The following FAM178B variants were observed in gnomAD, a reference collection of about 807,000 sequenced individuals.
The protein encoded by FAM178B is protein FAM178B.
In FAM178B, 82 loss-of-function variants were observed where a neutral mutation model predicts 91.7. The observed-to-expected ratio is 0.89, with a 90% confidence interval of 0.75 to 1.07. The LOEUF (loss-of-function observed/expected upper bound fraction) is 1.07. Among genes scored for constraint, FAM178B ranks in the 50% least tolerant of loss-of-function variants. The pLI is 0.00. For synonymous variants in FAM178B, 368 were observed against 359.4 expected (o/e 1.02, Z -0.27); for missense variants, 769 against 846.7 (o/e 0.91, Z 1.14).
intron 13 of FAM178B, among the ~76,000 whole-genome samples, chr2:96,895,502 T>C (rs1331498645): frequency 6.6e-6 from 1 of 152,230 alleles, no homozygotes; most frequent in Non-Finnish European, 1.5e-5. Context: ...TGTCTACAGT[T>C]AGCCGCTCCT....
intron 7 of FAM178B, among the ~76,000 whole-genome samples, chr2:96,948,463 G>A (rs913752582): frequency 3.9e-5 from 6 of 152,226 alleles, no homozygotes. Flanking sequence ...ATCCTTATCT[G>A]AATGCTCCTG....
At chr2:96,921,862 T>C (rs2081346960) in intron 10 of FAM178B, among the ~76,000 whole-genome samples, 1 of 152,014 alleles carries the variant, frequency 6.6e-6, no homozygotes, top group South Asian at 2.1e-4. Flanking sequence ...TCAGAGGCGT[T>C]TGAACCAGAG....
chr2:96,949,636 G>A lies in FAM178B; in HGVS notation c.994-1734C>T, dbSNP rs147077962. Reference sequence around the variant, plus strand: ...CCCACAACCACAGTCCCCAGTAACTGCTCGAGGTTCTAAGTCCCCTGAGGA... The same window carrying A: ...CCCACAACCACAGTCCCCAGTAACTACTCGAGGTTCTAAGTCCCCTGAGGA... On this transcript the variant is annotated intron_variant, in intron 7 of 16. Transcript: ENST00000490605. Among the ~76,000 whole-genome samples, 5 of 152,282 alleles carry A rather than the reference G, an allele frequency of 3.3e-5. No homozygotes were observed. The East Asian group carries it at 9.7e-4, about 29-fold the overall frequency.
chr2:96,894,949 A>C, intron 13 of FAM178B: 1 of 781,926 alleles, frequency 1.3e-6, no homozygotes, highest in Admixed American at 2.7e-5. Flanking sequence ...GCCGCTCTGC[A>C]TCTGTGGGCC....
chr2:96,878,164 T>TGAGGAGGAA (rs1217372219), intron 15 of FAM178B, 122 bp from the exon 16 acceptor site: 1 of 1,143,326 alleles, frequency 8.7e-7, no homozygotes, highest in Non-Finnish European at 1.3e-6. Flanking sequence ...GTTCAGAAGT[T>TGAGGAGGAA]GAGGAGGAAA....
intron 9 of FAM178B, among the ~76,000 whole-genome samples, chr2:96,925,463 A>T (rs941934738): frequency 6.6e-6 from 1 of 152,194 alleles, no homozygotes; most frequent in African/African-American, 2.4e-5. Context: ...TCACTTGACT[A>T]AACTGCTGGC....
intron 14 of FAM178B, among the ~76,000 whole-genome samples, chr2:96,880,044 AAC>A (rs1409179230): frequency 6.6e-6 from 1 of 152,264 alleles, no homozygotes; most frequent in Non-Finnish European, 1.5e-5. Flanking sequence ...GGTGACATGA[AAC>A]AAACTCAGAC....
chr2:96,926,043 C>T (rs746338185), intron 9 of FAM178B, among the ~76,000 whole-genome samples: 16 of 152,294 alleles, frequency 1.1e-4, no homozygotes, highest in Non-Finnish European at 2.1e-4. Context: ...GTGGCTCATG[C>T]CTGTAATTCC....
At chr2:96,906,027 C>T (rs1398050764) in intron 12 of FAM178B, among the ~76,000 whole-genome samples, 4 of 142,012 alleles carry the variant, frequency 2.8e-5, no homozygotes, top group East Asian at 2.2e-4. Flanking sequence ...TGTGCTACCA[C>T]GCCCAGCTAA....
At chr2:96,950,696 C>T (rs1270491642) in intron 7 of FAM178B, among the ~76,000 whole-genome samples, 3 of 152,208 alleles carry the variant, frequency 2.0e-5, no homozygotes, top group East Asian at 1.9e-4. Context: ...TTCTCACTGC[C>T]TCTCTCTGTG....
chr2:96,976,200 T>C (rs2082286231), intron 1 of FAM178B, among the ~76,000 whole-genome samples: 1 of 151,854 alleles, frequency 6.6e-6, no homozygotes, highest in African/African-American at 2.4e-5. Context: ...GTTCAAGCGA[T>C]TCTCCTGCCT....
chr2:96,921,126 C>G (rs2081330873), intron 12 of FAM178B, 39 bp downstream of exon 12: 3 of 1,499,030 alleles, frequency 2.0e-6, no homozygotes, highest in African/African-American at 1.4e-5. Flanking sequence ...CGAAGAGATG[C>G]GTGTGAGAGG....
intron 14 of FAM178B, 86 bp from the exon 15 acceptor site, chr2:96,878,579 C>T: frequency 7.9e-7 from 1 of 1,263,910 alleles, no homozygotes; most frequent in Non-Finnish European, 1.1e-6. Context: ...TCCCCACTCT[C>T]AGGCTTGGCA....
intron 12 of FAM178B, among the ~76,000 whole-genome samples, chr2:96,905,842 A>G (rs557580876): frequency 4.6e-4 from 13 of 27,998 alleles, no homozygotes; most frequent in Non-Finnish European, 6.1e-4. Context: ...ATATATATAT[A>G]TATATATATA....
chr2:96,880,366 G>A (rs2080349260), intron 14 of FAM178B, among the ~76,000 whole-genome samples: 2 of 151,930 alleles, frequency 1.3e-5, no homozygotes, highest in Non-Finnish European at 2.9e-5. Context: ...GCAAGGGAGT[G>A]GGGACAACCT....
intron 13 of FAM178B, among the ~76,000 whole-genome samples, chr2:96,898,685 T>C (rs968200296): frequency 1.3e-5 from 2 of 152,128 alleles, no homozygotes; most frequent in African/African-American, 4.8e-5. Context: ...CACTTCCCTG[T>C]TGGGTGACCC....
At chr2:96,893,544 C>T (rs982265166) in intron 14 of FAM178B, among the ~76,000 whole-genome samples, 6 of 152,032 alleles carry the variant, frequency 3.9e-5, no homozygotes, top group Non-Finnish European at 8.8e-5. Flanking sequence ...CCCTGCACGT[C>T]GAGACAACCC....
intron 16 of FAM178B, 83 bp from the exon 17 acceptor site, chr2:96,876,391 C>T: frequency 1.3e-6 from 2 of 1,514,330 alleles, no homozygotes; most frequent in Non-Finnish European, 1.8e-6. Context: ...CTGGCGGTGT[C>T]CATTCAGCAC....
At chr2:96,926,670 C>T (rs1175548462) in intron 9 of FAM178B, among the ~76,000 whole-genome samples, 1 of 152,216 alleles carries the variant, frequency 6.6e-6, no homozygotes, top group Non-Finnish European at 1.5e-5. Flanking sequence ...CCACTGTTTC[C>T]AACAAGTTGG....
Sources: gnomAD v4.1 joint callset for allele counts (sites outside exome capture counted in the v4.1 genomes callset) on GRCh38, gnomAD v4.1.1 for gene constraint, MANE v1.5 for transcripts, NCBI Gene and HGNC (gene_info 2026-07-23, HGNC 2026-07-21) for gene names.